PRKCB: variants seen among roughly 807,000 people sequenced by gnomAD.
PRKCB encodes protein kinase C beta.
A neutral mutation model predicts 81.5 loss-of-function variants in PRKCB; 13 were observed. The observed-to-expected ratio is 0.16, with a 90% CI of 0.10 to 0.25. The LOEUF is 0.25. Ranked by LOEUF, PRKCB falls within the 10% of genes least tolerant of loss-of-function variation. The probability of loss-of-function intolerance (pLI) is 1.00; values close to 1 mark genes in which losing one functional copy is unlikely to be tolerated. For missense variants in PRKCB, 509 were observed against 875.7 expected, an observed-to-expected ratio of 0.58 and a Z score of 5.29; for synonymous variants, 335 against 321.4, an observed-to-expected ratio of 1.04 and a Z score of -0.45.
At chr16:24,022,220 G>A (rs1212455471) in intron 3 of PRKCB, among the ~76,000 whole-genome samples, 1 of 152,108 alleles carries the variant, frequency 6.6e-6, no homozygotes, top group Non-Finnish European at 1.5e-5. Flanking sequence ...TGTTCACATG[G>A]GGTTGGATTC....
At chr16:24,106,123 C>CA (rs35714405) in intron 7 of PRKCB, among the ~76,000 whole-genome samples, 1 of 150,810 alleles carries the variant, frequency 6.6e-6, no homozygotes, top group Non-Finnish European at 1.5e-5. Flanking sequence ...AAACAAAAAA[C>CA]AAAAAAAACT....
chr16:23,942,631 G>A (rs1342598069), intron 2 of PRKCB, among the ~76,000 whole-genome samples: 1 of 152,188 alleles, frequency 6.6e-6, no homozygotes, highest in African/African-American at 2.4e-5. Flanking sequence ...TACATACTGA[G>A]GATAATTAAA....
intron 3 of PRKCB, among the ~76,000 whole-genome samples, chr16:24,029,413 T>C (rs1331518599): frequency 6.6e-6 from 1 of 152,216 alleles, no homozygotes; most frequent in Non-Finnish European, 1.5e-5. Flanking sequence ...CCCCCTTTGC[T>C]CGGCACTTCT....
In PRKCB at chr16:24,191,206, C is replaced by T. The variant is rs756137300; in HGVS notation, c.1839C>T (p.Ile613=). The T allele has an allele frequency of 9.3e-6, 15 of 1,613,956 alleles. No individual in the cohort carries two copies. The Admixed American group carries it at 2.3e-4, about 25-fold the overall frequency. ...IDWEKLERKE[I]QPPYKPKACG... ...GGGAGAAACTTGAACGCAAAGAGAT[C>T]CAGCCCCCTTATAAGCCAAAAGCTG... Residue 613 remains isoleucine, a synonymous_variant, in exon 16 of 17, where the codon ATC becomes ATT. Coordinates refer to ENST00000643927, the MANE Select transcript of PRKCB (RefSeq NM_002738.7).
At chr16:24,052,710 A>T (rs1965858019) in intron 5 of PRKCB, among the ~76,000 whole-genome samples, 1 of 152,242 alleles carries the variant, frequency 6.6e-6, no homozygotes, top group Non-Finnish European at 1.5e-5. Context: ...CAATTACTGT[A>T]TAATGAGCAG....
chr16:23,879,461 GTT>G (rs1963069807), intron 2 of PRKCB, among the ~76,000 whole-genome samples: 1 of 85,576 alleles, frequency 1.2e-5, no homozygotes, highest in African/African-American at 3.2e-5. Flanking sequence ...ATAAACCTTT[GTT>G]GTTGGTCCTT....
intron 2 of PRKCB, among the ~76,000 whole-genome samples, chr16:23,984,847 G>A (rs751918188): frequency 3.3e-5 from 5 of 152,088 alleles, no homozygotes; most frequent in Non-Finnish European, 5.9e-5. Flanking sequence ...GAAAGCTCAG[G>A]GATGGGGCGA....
chr16:23,963,898 T>G (rs1315595903), intron 2 of PRKCB: 1 of 152,350 alleles, frequency 6.6e-6, no homozygotes, highest in Non-Finnish European at 1.5e-5. Flanking sequence ...GGCATCACTG[T>G]TGCCTTGAAC....
intron 5 of PRKCB, among the ~76,000 whole-genome samples, chr16:24,062,785 T>G (rs1453386575): frequency 6.6e-6 from 1 of 152,094 alleles, no homozygotes; most frequent in Non-Finnish European, 1.5e-5. Context: ...ACTCAGCTCT[T>G]CTTGTGCCAA....
intron 9 of PRKCB, among the ~76,000 whole-genome samples, chr16:24,133,072 C>G (rs551536042): frequency 1.3e-5 from 2 of 152,194 alleles, no homozygotes; most frequent in East Asian, 3.9e-4. Context: ...TCATCTTTCC[C>G]TCTAAGTGCT....
At chr16:24,124,022 C>T (rs1966832674) in intron 9 of PRKCB, 41 bp downstream of exon 9, 7 of 1,610,472 alleles carry the variant, frequency 4.3e-6, no homozygotes, top group Non-Finnish European at 5.9e-6. Context: ...TTGGAAGGAA[C>T]ATCTAACAAC....
chr16:24,134,728 G>A (rs542375069), intron 9 of PRKCB, among the ~76,000 whole-genome samples: 8 of 149,832 alleles, frequency 5.3e-5, no homozygotes, highest in South Asian at 2.1e-4. Context: ...CAGCCTGGGC[G>A]ACAGAGCGAG....
In PRKCB at chr16:23,837,487, CAG is replaced by C. The variant is rs1962185682; in HGVS notation, c.205+86_205+87del. The C allele has an allele frequency of 3.9e-6, 6 of 1,522,838 alleles. No homozygotes were observed. The Admixed American group carries it at 8.2e-5, about 21-fold the overall frequency. 94.3% of individuals were successfully genotyped at this position (1,522,838 alleles called of 1,614,324 possible). The stretch of plus-strand genomic sequence containing the variant: ...TTATAGAAGAAGTTACTGAGTTAGG[CAG>C]AGAGTGAAAGAATCACGTTGGTCGG... On this transcript the variant is annotated intron_variant, in intron 2 of 16. Coordinates refer to ENST00000643927, the MANE Select transcript of PRKCB (RefSeq NM_002738.7).
intron 2 of PRKCB, among the ~76,000 whole-genome samples, chr16:23,934,515 A>G (rs1440140778): frequency 2.0e-5 from 3 of 152,200 alleles, no homozygotes; most frequent in Non-Finnish European, 4.4e-5. Flanking sequence ...TTATTTTAAT[A>G]GGAAGATATT....
intron 2 of PRKCB, among the ~76,000 whole-genome samples, chr16:23,922,003 G>A (rs1382428390): frequency 6.6e-6 from 1 of 152,098 alleles, no homozygotes; most frequent in African/African-American, 2.4e-5. Flanking sequence ...TAAGAGCAAA[G>A]GCTTGAAGGC....
chr16:24,214,710 T>C lies in PRKCB; in HGVS notation c.1916T>C (p.Val639Ala). The change falls in exon 17 of 17, where the codon GTC (valine) becomes GCC (alanine). Residue 639 changes from valine (V) to alanine (A), a missense_variant. Val to Ala is a moderately conservative substitution (Grantham distance 64). This residue lies in a region of PRKCB where 104 missense variants were observed against 160.5 expected (regional missense o/e 0.65). Coordinates refer to ENST00000643927, the MANE Select transcript of PRKCB (RefSeq NM_002738.7). ...CGATTTTTCACCCGCCATCCACCAGTCCTAACACCTCCCGACCAGGAAGTC... is the reference window on the plus strand; with the variant it reads ...CGATTTTTCACCCGCCATCCACCAGCCCTAACACCTCCCGACCAGGAAGTC... ...FDRFFTRHPP[V>A]LTPPDQEVIR... is the part of the protein sequence containing the mutation. 1.2e-6 allele frequency: 2 copies of C among 1,614,180 alleles called. No homozygotes were observed. Among genetic ancestry groups the C allele is most frequent in the East Asian group, 2.2e-5 (1 of 44,888 alleles).
intron 11 of PRKCB, among the ~76,000 whole-genome samples, chr16:24,172,920 G>A (rs1489246418): frequency 6.6e-6 from 1 of 152,010 alleles, no homozygotes; most frequent in Non-Finnish European, 1.5e-5. Flanking sequence ...AACAAACATC[G>A]TCTCACTTAA....
At position 23,940,336 on chromosome 16, in the gene PRKCB, G is replaced by A. The variant is rs181460819; in HGVS notation, c.206-48172G>A. On this transcript the variant is annotated intron_variant, in intron 2 of 16. Transcript: ENST00000643927. ...CCTATGACCCAGCAGTTGCACTCTTGGGCATCTATCCTAGATAAATCAAAG... is the reference window on the plus strand; with the variant it reads ...CCTATGACCCAGCAGTTGCACTCTTAGGCATCTATCCTAGATAAATCAAAG... Among the ~76,000 whole-genome samples, 12 of 152,028 alleles carry A rather than the reference G, an allele frequency of 7.9e-5. No homozygotes were observed. In the East Asian group the frequency reaches 2.3e-3, roughly 29 times the overall value.
Position 24,214,696 on chromosome 16 carries a change from C to G in PRKCB, c.1902C>G (p.Thr634=). 1 of 1,614,076 alleles carries G rather than the reference C, an allele frequency of 6.2e-7. No homozygotes were observed. Among genetic ancestry groups the G allele is most frequent in the South Asian group, 1.1e-5 (1 of 91,070 alleles). The change falls in exon 17 of 17, where the codon ACC becomes ACG. Residue 634 remains threonine, a synonymous_variant. Coordinates refer to ENST00000643927, the MANE Select transcript of PRKCB (RefSeq NM_002738.7). ...RNAENFDRFF[T]RHPPVLTPPD... is the part of the protein sequence containing the mutation. ...CTGAAAACTTCGACCGATTTTTCAC[C>G]CGCCATCCACCAGTCCTAACACCTC...
Sources: allele counts gnomAD v4.1 joint callset (sites outside exome capture counted in the v4.1 genomes callset), GRCh38; gene constraint gnomAD v4.1.1; regional missense constraint gnomAD v4.1.1; transcripts MANE v1.5; gene names NCBI Gene and HGNC (gene_info 2026-07-23, HGNC 2026-07-21).